SEC24A: variants seen among roughly 807,000 people sequenced by gnomAD.
SEC24A encodes SEC24 homolog A, COPII component, also known as protein transport protein Sec24A.
SEC24A carries 93 observed loss-of-function variants against 129.4 expected under a neutral mutation model. The observed-to-expected ratio is 0.72, with a 90% confidence interval of 0.61 to 0.85. SEC24A has a LOEUF of 0.85. Among genes scored for constraint, SEC24A ranks in the 40% least tolerant of loss-of-function variants. The pLI, the probability that SEC24A is intolerant of heterozygous loss-of-function variation, is 0.00. For synonymous variants in SEC24A, 460 were observed against 467.3 expected (o/e 0.98, Z 0.20); for missense variants, 1,264 against 1,307.4 (o/e 0.97, Z 0.51).
intron 4 of SEC24A, among the ~76,000 whole-genome samples, chr5:134,674,269 T>C (rs1750973704): frequency 6.6e-6 from 1 of 152,240 alleles, no homozygotes; most frequent in Non-Finnish European, 1.5e-5. Flanking sequence ...ATAATACCTA[T>C]AACTTATTAG....
At chr5:134,650,004 T>A (rs868750952) in intron 1 of SEC24A, among the ~76,000 whole-genome samples, 1 of 152,146 alleles carries the variant, frequency 6.6e-6, no homozygotes. Context: ...ATAAGACTAG[T>A]AGAATAATGC....
intron 21 of SEC24A, 32 bp downstream of exon 21, chr5:134,721,122 G>C: frequency 7.4e-7 from 1 of 1,354,288 alleles, no homozygotes; most frequent in East Asian, 2.3e-5. Flanking sequence ...GATTATAAAG[G>C]GCATTTCAAA....
At chr5:134,707,596 T>C (rs1438500580) in intron 17 of SEC24A, among the ~76,000 whole-genome samples, 1 of 152,204 alleles carries the variant, frequency 6.6e-6, no homozygotes, top group African/African-American at 2.4e-5. Context: ...GCCAAAGTGC[T>C]GGGATTACAG....
intron 20 of SEC24A, among the ~76,000 whole-genome samples, chr5:134,719,018 T>A (rs1189205546): frequency 6.6e-6 from 1 of 150,878 alleles, no homozygotes; most frequent in Non-Finnish European, 1.5e-5. Context: ...AATAATGATA[T>A]AAAGAATATT....
chr5:134,715,213 C>G, intron 19 of SEC24A, 52 bp downstream of exon 19: 1 of 1,437,224 alleles, frequency 7.0e-7, no homozygotes, highest in Non-Finnish European at 9.7e-7. Flanking sequence ...TAAGCCTAAT[C>G]ATAGTCCAGT....
At chr5:134,698,430 G>A (rs1195952935) in intron 15 of SEC24A, among the ~76,000 whole-genome samples, 2 of 151,926 alleles carry the variant, frequency 1.3e-5, no homozygotes, top group African/African-American at 4.8e-5. Flanking sequence ...ATTGCAAAAT[G>A]ATGTCTCTAC....
intron 12 of SEC24A, chr5:134,693,446 A>G (rs766119258): frequency 1.5e-6 from 2 of 1,369,950 alleles, no homozygotes; most frequent in Non-Finnish European, 1.9e-6. Flanking sequence ...TCAAATCTCT[A>G]AACTGTGATG....
At chr5:134,688,128 G>A (rs1050943618) in intron 10 of SEC24A, 53 bp from the exon 11 acceptor site, 18 of 957,722 alleles carry the variant, frequency 1.9e-5, no homozygotes, top group Non-Finnish European at 3.1e-5. Context: ...TATTTTATGT[G>A]TATTTGTATG....
At chr5:134,660,581 T>C (rs917865472) in intron 1 of SEC24A, among the ~76,000 whole-genome samples, 8 of 151,794 alleles carry the variant, frequency 5.3e-5, no homozygotes, top group Non-Finnish European at 1.2e-4. Flanking sequence ...CCATCTTTTT[T>C]TTTTTTTTTT....
At chr5:134,721,485 C>A (rs1333319591) in intron 21 of SEC24A, among the ~76,000 whole-genome samples, 1 of 150,990 alleles carries the variant, frequency 6.6e-6, no homozygotes, top group African/African-American at 2.4e-5. Flanking sequence ...ATCGCTTGAA[C>A]CCAGGAGGTG....
chr5:134,657,562 A>G (rs909436948), intron 1 of SEC24A, among the ~76,000 whole-genome samples: 2 of 151,988 alleles, frequency 1.3e-5, no homozygotes, highest in African/African-American at 2.4e-5. Context: ...TGCTGTCCCA[A>G]TGTTAAATTA....
At chr5:134,699,474 A>AT (rs1345711583) in intron 15 of SEC24A, among the ~76,000 whole-genome samples, 2 of 150,262 alleles carry the variant, frequency 1.3e-5, no homozygotes, top group South Asian at 4.2e-4. Flanking sequence ...AATTTTTTGT[A>AT]TTTTTTAGTA....
chr5:134,711,069 G>A lies in SEC24A; in HGVS notation c.2727+2181G>A, dbSNP rs1170076134. ...GAGAATCGCCTGAACCCAGGAGGCA[G>A]AGGTTGCAGTGAGCTGAGATTGCAC... On this transcript the variant is annotated intron_variant, in intron 18 of 22. Coordinates refer to ENST00000398844, the MANE Select transcript of SEC24A (RefSeq NM_021982.3). Among the ~76,000 whole-genome samples the A allele has an allele frequency of 2.0e-5, 3 of 152,318 alleles. No homozygotes were observed. In the East Asian group the frequency reaches 5.8e-4, roughly 29 times the overall value.
Position 134,661,322 on chromosome 5 carries a change from C to A in SEC24A, c.301C>A (p.His101Asn), listed in dbSNP as rs1304481553. 11 of 1,614,080 alleles carry A rather than the reference C, an allele frequency of 6.8e-6. No homozygotes were observed. Among genetic ancestry groups the A allele is most frequent in the African/African-American group, 1.3e-5 (1 of 74,926 alleles). Reference sequence around the variant, plus strand: ...CTCTAATCCAGTGACACCTTCGCTTCATAGTGGTCCTGCTCCCCGAATGCC... The same window carrying A: ...CTCTAATCCAGTGACACCTTCGCTTAATAGTGGTCCTGCTCCCCGAATGCC... Reference protein sequence around the residue: ...VASNPVTPSLHSGPAPRMPLP... With the variant: ...VASNPVTPSLNSGPAPRMPLP... The change falls in exon 2 of 23, where the codon CAT becomes AAT. Residue 101 changes from histidine to asparagine, a missense_variant. By Grantham distance (68) the His-to-Asn change is moderately conservative. Coordinates refer to ENST00000398844, the MANE Select transcript of SEC24A (RefSeq NM_021982.3).
At chr5:134,689,566 T>C (rs1362349353) in intron 11 of SEC24A, among the ~76,000 whole-genome samples, 13 of 152,118 alleles carry the variant, frequency 8.5e-5, no homozygotes, top group Admixed American at 6.6e-4. Flanking sequence ...ATCAAGACCA[T>C]CCTGGCCAAC....
chr5:134,711,756 C>CT (rs1357207207), intron 18 of SEC24A, among the ~76,000 whole-genome samples: 198 of 136,520 alleles, frequency 1.5e-3, no homozygotes, highest in Admixed American at 2.2e-3. Context: ...GTTTTGAACT[C>CT]TTTTTTTTTG....
At chr5:134,716,800 C>CA (rs200176385) in intron 19 of SEC24A, among the ~76,000 whole-genome samples, 2,930 of 58,062 alleles carry the variant, frequency 0.05, 100 homozygotes, top group African/African-American at 0.11. Flanking sequence ...GATTCCATCT[C>CA]AAAAAAAAAA....
At position 134,727,779 on chromosome 5, in the gene SEC24A, A is replaced by G. The variant is rs1335261283; in HGVS notation, c.*2685A>G. On this transcript the variant is annotated 3_prime_UTR_variant, in exon 23 of 23. Coordinates refer to ENST00000398844, the MANE Select transcript of SEC24A (RefSeq NM_021982.3). ...AGACAAGATTTGTCTTCCTTTTTACAGTTTGTAATTTTCACTGTTTTATTC... is the reference window on the plus strand; with the variant it reads ...AGACAAGATTTGTCTTCCTTTTTACGGTTTGTAATTTTCACTGTTTTATTC... 1 of 152,410 alleles carries G rather than the reference A, an allele frequency of 6.6e-6. No homozygotes were observed. The highest frequency in any genetic ancestry group is 1.9e-4 in the East Asian group (1 of 5,194). 9.4% of individuals were successfully genotyped at this position (152,410 alleles called of 1,614,324 possible).
At chr5:134,695,487 A>G (rs1751792069) in intron 13 of SEC24A, among the ~76,000 whole-genome samples, 1 of 151,992 alleles carries the variant, frequency 6.6e-6, no homozygotes, top group South Asian at 2.1e-4. Flanking sequence ...CCCCATCTCT[A>G]TTAAAAATAC....
Sources: allele counts gnomAD v4.1 joint callset (sites outside exome capture counted in the v4.1 genomes callset), GRCh38; gene constraint gnomAD v4.1.1; transcripts MANE v1.5; gene names NCBI Gene and HGNC (gene_info 2026-07-23, HGNC 2026-07-21).